The following CNTNAP5 variants were observed in gnomAD, a reference collection of about 807,000 sequenced individuals.
CNTNAP5 encodes contactin-associated protein-like 5.
In CNTNAP5, 72 loss-of-function variants were observed where a neutral mutation model predicts 150.2. The observed-to-expected ratio is 0.48, with a 90% confidence interval of 0.40 to 0.58. The LOEUF (loss-of-function observed/expected upper bound fraction) is 0.58. Among genes scored for constraint, CNTNAP5 ranks in the 20% least tolerant of loss-of-function variants. CNTNAP5 has a pLI of 0.00. For missense variants in CNTNAP5, 1,636 were observed against 1,626.2 expected, an observed-to-expected ratio of 1.01 and a Z score of -0.10; for synonymous variants, 672 against 619.8, an observed-to-expected ratio of 1.08 and a Z score of -1.25.
intron 1 of CNTNAP5, among the ~76,000 whole-genome samples, chr2:124,135,377 C>A (rs982490527): frequency 3.3e-5 from 5 of 152,200 alleles, no homozygotes. Context: ...CTTGGGCTGG[C>A]CCGTACTTCT....
chr2:124,151,670 G>A (rs750485200), intron 1 of CNTNAP5, among the ~76,000 whole-genome samples: 11 of 152,202 alleles, frequency 7.2e-5, no homozygotes, highest in East Asian at 1.9e-4. Flanking sequence ...TATGTACCAC[G>A]TCTGACAGAT....
intron 13 of CNTNAP5, among the ~76,000 whole-genome samples, chr2:124,696,920 T>C (rs1036647764): frequency 6.6e-5 from 10 of 152,188 alleles, no homozygotes; most frequent in Non-Finnish European, 1.3e-4. Flanking sequence ...ATTTCTCTTT[T>C]TAAATTCATG....
intron 6 of CNTNAP5, among the ~76,000 whole-genome samples, chr2:124,461,022 A>G (rs919109414): frequency 1.3e-5 from 2 of 152,178 alleles, no homozygotes; most frequent in African/African-American, 4.8e-5. Flanking sequence ...AAAAGTCAAG[A>G]AACAACAGGT....
chr2:124,869,658 T>A lies in CNTNAP5; in HGVS notation c.3349-17T>A. 4 of 1,584,512 alleles carry A rather than the reference T, an allele frequency of 2.5e-6. No individual in the cohort carries two copies. The highest frequency in any genetic ancestry group is 3.5e-6 in the Non-Finnish European group (4 of 1,154,082). On this transcript the variant is annotated splice_polypyrimidine_tract_variant and intron_variant, in intron 20 of 23. Coordinates refer to ENST00000682447, the MANE Select transcript of CNTNAP5 (RefSeq NM_001367498.1). The stretch of plus-strand genomic sequence containing the variant: ...CAGACCTCTGCTGATGTGCCTTTGT[T>A]TTCTGTTTTCCTGCAGATGGACCAG...
intron 3 of CNTNAP5, among the ~76,000 whole-genome samples, chr2:124,357,776 C>A (rs1432703331): frequency 5.5e-5 from 8 of 144,572 alleles, no homozygotes; most frequent in Admixed American, 2.8e-4. Flanking sequence ...CTTAGGATTG[C>A]CTTGGCGATG....
rs1055003726 is a variant in CNTNAP5, at chr2:124,708,218, G to A, written c.2078-39011G>A. Among the ~76,000 whole-genome samples, 5 of 152,270 alleles carry A rather than the reference G, an allele frequency of 3.3e-5. No individual in the cohort carries two copies. The East Asian group carries it at 5.8e-4, about 18-fold the overall frequency. On this transcript the variant is annotated intron_variant, in intron 13 of 23. Coordinates refer to ENST00000682447, the MANE Select transcript of CNTNAP5 (RefSeq NM_001367498.1). ...GAGGCTTTACTGATGAACTGCTTAC[G>A]AAGGTGTCAGTAGGAATGGAGGTAT...
At chr2:124,324,385 T>C (rs1689167510) in intron 3 of CNTNAP5, among the ~76,000 whole-genome samples, 1 of 152,162 alleles carries the variant, frequency 6.6e-6, no homozygotes, top group Non-Finnish European at 1.5e-5. Flanking sequence ...GTCTAGGCCA[T>C]AGATGTATAT....
At chr2:124,806,666 T>C (rs1045466078) in intron 19 of CNTNAP5, among the ~76,000 whole-genome samples, 3 of 152,214 alleles carry the variant, frequency 2.0e-5, no homozygotes, top group African/African-American at 7.2e-5. Flanking sequence ...ATAATTATTA[T>C]TTGCCCTTAT....
intron 3 of CNTNAP5, among the ~76,000 whole-genome samples, chr2:124,319,273 T>C (rs1356035476): frequency 3.9e-5 from 6 of 152,206 alleles, no homozygotes; most frequent in South Asian, 2.1e-4. Flanking sequence ...TCTTCACTTT[T>C]GGGATTTTCA....
chr2:124,861,382 C>T (rs1229181244), intron 19 of CNTNAP5, among the ~76,000 whole-genome samples: 1 of 151,598 alleles, frequency 6.6e-6, no homozygotes, highest in Non-Finnish European at 1.5e-5. Context: ...AGAGCAGCCT[C>T]GCCAAGATGG....
intron 3 of CNTNAP5, among the ~76,000 whole-genome samples, chr2:124,333,374 T>C (rs1689395903): frequency 6.6e-6 from 1 of 152,168 alleles, no homozygotes; most frequent in Non-Finnish European, 1.5e-5. Flanking sequence ...TTAAAGACTG[T>C]CTATCTCACA....
At chr2:124,528,390 G>T (rs1695025155) in intron 10 of CNTNAP5, among the ~76,000 whole-genome samples, 1 of 152,160 alleles carries the variant, frequency 6.6e-6, no homozygotes, top group African/African-American at 2.4e-5. Flanking sequence ...ATGCTGAGTT[G>T]AATCTTAAAG....
intron 7 of CNTNAP5, among the ~76,000 whole-genome samples, chr2:124,485,657 A>G: frequency 6.7e-6 from 1 of 149,690 alleles, no homozygotes; most frequent in Non-Finnish European, 1.5e-5. Context: ...TTTACCGGGG[A>G]ACACATAGCA....
intron 17 of CNTNAP5, among the ~76,000 whole-genome samples, chr2:124,773,558 C>T (rs1458485434): frequency 6.6e-6 from 1 of 152,166 alleles, no homozygotes; most frequent in Non-Finnish European, 1.5e-5. Flanking sequence ...GGGGATCAAC[C>T]TGCCACAGGC....
chr2:124,300,865 C>T lies in CNTNAP5; in HGVS notation c.381+58472C>T, dbSNP rs114171274. ...GGGCATGACTCTGCTGCAGCTTTCACCTTGAAACACTGAAGGGAAATCTAC... is the reference window on the plus strand; with the variant it reads ...GGGCATGACTCTGCTGCAGCTTTCATCTTGAAACACTGAAGGGAAATCTAC... On this transcript the variant is annotated intron_variant, in intron 3 of 23. Transcript: ENST00000682447. Among the ~76,000 whole-genome samples, 917 of 152,254 alleles carry T rather than the reference C, an allele frequency of 6.0e-3. 7 individuals carry two copies. The highest frequency in any genetic ancestry group is 0.02 in the African/African-American group (829 of 41,550).
At chr2:124,840,367 C>G (rs1055963339) in intron 19 of CNTNAP5, among the ~76,000 whole-genome samples, 1 of 152,080 alleles carries the variant, frequency 6.6e-6, no homozygotes, top group African/African-American at 2.4e-5. Flanking sequence ...CTTGAATAAG[C>G]TGGCCCTCTC....
chr2:124,410,791 T>C (rs1691735450), intron 3 of CNTNAP5, among the ~76,000 whole-genome samples: 1 of 149,822 alleles, frequency 6.7e-6, no homozygotes, highest in African/African-American at 2.4e-5. Context: ...AGATCCAAAA[T>C]TGACACCCTA....
At chr2:124,479,834 T>C (rs1395583237) in intron 7 of CNTNAP5, among the ~76,000 whole-genome samples, 1 of 152,176 alleles carries the variant, frequency 6.6e-6, no homozygotes, top group Non-Finnish European at 1.5e-5. Context: ...TATTCAGCTA[T>C]GGGATCTTGA....
chr2:124,341,598 A>G (rs569186478), intron 3 of CNTNAP5, among the ~76,000 whole-genome samples: 1 of 152,316 alleles, frequency 6.6e-6, no homozygotes, highest in South Asian at 2.1e-4. Flanking sequence ...CAGAGCTCCC[A>G]TCACAGTTAA....
Sources: allele counts gnomAD v4.1 joint callset (sites outside exome capture counted in the v4.1 genomes callset), GRCh38; gene constraint gnomAD v4.1.1; transcripts MANE v1.5; gene names NCBI Gene and HGNC (gene_info 2026-07-23, HGNC 2026-07-21).